Variants in SGCZ observed in about 807,000 individuals in gnomAD.
SGCZ encodes the protein sarcoglycan zeta, also known as zeta-sarcoglycan.
SGCZ carries 40 observed loss-of-function variants against 41.3 expected under a neutral mutation model. The observed-to-expected ratio is 0.97, with a 90% CI of 0.75 to 1.26. The LOEUF is 1.26. Ranked by LOEUF, SGCZ falls within the 50% of genes most tolerant of loss-of-function variation. The pLI is 0.00. For synonymous variants in SGCZ, 206 were observed against 137.5 expected (o/e 1.50, Z -3.49); for missense variants, 552 against 369.8 (o/e 1.49, Z -4.04).
chr8:14,537,082 T>A (rs1291137112), intron 2 of SGCZ, among the ~76,000 whole-genome samples: 1 of 151,942 alleles, frequency 6.6e-6, no homozygotes, highest in Non-Finnish European at 1.5e-5. Flanking sequence ...ATCATGACTC[T>A]AACAGCTCTT....
intron 3 of SGCZ, among the ~76,000 whole-genome samples, chr8:14,253,243 G>C (rs201772982): frequency 1.1e-4 from 16 of 148,858 alleles, no homozygotes; most frequent in African/African-American, 3.5e-4. Flanking sequence ...TTGTGTGTAG[G>C]GTGTGTGTGT....
In SGCZ at chr8:14,122,208, T is replaced by C. The variant is rs570384808; in HGVS notation, c.548-13973A>G. On this transcript the variant is annotated intron_variant, in intron 5 of 7. Transcript: ENST00000382080. ...AGGAGAATGGCGTGAACCCGGGAGG[T>C]GGAGCTTGCAGTTAGCTGAGATTGC... Among the ~76,000 whole-genome samples the C allele has an allele frequency of 2.5e-3, 381 of 151,798 alleles. 3 individuals are homozygous for C. Among genetic ancestry groups the C allele is most frequent in the South Asian group, 0.012 (58 of 4,780 alleles).
At chr8:14,266,237 G>T (rs531713787) in intron 3 of SGCZ, among the ~76,000 whole-genome samples, 59 of 152,042 alleles carry the variant, frequency 3.9e-4, no homozygotes, top group Non-Finnish European at 6.8e-4. Flanking sequence ...AAAATGTAAT[G>T]ATCCATTACT....
At chr8:14,506,299 C>T (rs1802303297) in intron 2 of SGCZ, among the ~76,000 whole-genome samples, 1 of 152,152 alleles carries the variant, frequency 6.6e-6, no homozygotes, top group African/African-American at 2.4e-5. Context: ...TATCTTCTCT[C>T]TTGTTAATAC....
intron 1 of SGCZ, among the ~76,000 whole-genome samples, chr8:14,619,545 C>T (rs372658138): frequency 5.7e-4 from 87 of 152,158 alleles, no homozygotes; most frequent in African/African-American, 1.5e-3. Flanking sequence ...GAAAACCCCA[C>T]TGTCTCAGCC....
At chr8:14,200,953 A>C (rs1805436260) in intron 4 of SGCZ, among the ~76,000 whole-genome samples, 1 of 152,198 alleles carries the variant, frequency 6.6e-6, no homozygotes, top group Admixed American at 6.5e-5. Flanking sequence ...ATTATAAAAC[A>C]ACCCACAAAT....
intron 2 of SGCZ, among the ~76,000 whole-genome samples, chr8:14,408,460 T>C (rs1332413776): frequency 6.6e-6 from 1 of 152,036 alleles, no homozygotes; most frequent in African/African-American, 2.4e-5. Context: ...CCTAATACGC[T>C]CCATTCCCCT....
chr8:14,756,478 C>G (rs1224420969), intron 1 of SGCZ, among the ~76,000 whole-genome samples: 1 of 152,168 alleles, frequency 6.6e-6, no homozygotes, highest in Non-Finnish European at 1.5e-5. Context: ...AGCCACCACG[C>G]CCAGCGGGAA....
chr8:14,824,823 A>T (rs1445074579), intron 1 of SGCZ, among the ~76,000 whole-genome samples: 1 of 152,024 alleles, frequency 6.6e-6, no homozygotes, highest in Non-Finnish European at 1.5e-5. Flanking sequence ...CTTCTTCTCT[A>T]TTGATCTACT....
intron 1 of SGCZ, among the ~76,000 whole-genome samples, chr8:14,668,708 G>C (rs1053660584): frequency 7.9e-5 from 12 of 152,166 alleles, no homozygotes; most frequent in East Asian, 1.9e-4. Flanking sequence ...CAGCAGAAAG[G>C]CTAACCTAGA....
intron 2 of SGCZ, among the ~76,000 whole-genome samples, chr8:14,337,505 T>C (rs1385172897): frequency 6.6e-6 from 1 of 152,126 alleles, no homozygotes; most frequent in Non-Finnish European, 1.5e-5. Flanking sequence ...CAGGAGACGA[T>C]TCTAACTTGT....
rs1033249855 is a variant in SGCZ, at chr8:14,781,594, G to A, written c.40-226668C>T. Among the ~76,000 whole-genome samples, 20 of 152,156 alleles carry A rather than the reference G, an allele frequency of 1.3e-4. 3 individuals carry two copies. The highest frequency in any genetic ancestry group is 1.1e-3 in the Admixed American group (17 of 15,288). ...CAATGAATACCTATTATTAAAAATT[G>A]TTTGGGTTATTCTTATCCATTCATT... On this transcript the variant is annotated intron_variant, in intron 1 of 7. Coordinates refer to ENST00000382080, the MANE Select transcript of SGCZ (RefSeq NM_139167.4).
intron 1 of SGCZ, among the ~76,000 whole-genome samples, chr8:14,940,596 A>G (rs1800240536): frequency 6.6e-6 from 1 of 152,178 alleles, no homozygotes; most frequent in South Asian, 2.1e-4. Context: ...ATATAAACAA[A>G]AAGATAAATG....
intron 2 of SGCZ, among the ~76,000 whole-genome samples, chr8:14,542,961 A>G (rs1216965099): frequency 6.6e-6 from 1 of 151,956 alleles, no homozygotes; most frequent in African/African-American, 2.4e-5. Context: ...ACTTCTTCAA[A>G]TTCATTCAGC....
chr8:14,841,962 TC>T (rs566163506), intron 1 of SGCZ, among the ~76,000 whole-genome samples: 178 of 152,302 alleles, frequency 1.2e-3, no homozygotes, highest in African/African-American at 4.2e-3. Flanking sequence ...GAGTACTTAT[TC>T]AGTACAGGAC....
Position 15,171,013 on chromosome 8 carries a change from TAACA to T in SGCZ, c.39+66568_39+66571del, listed in dbSNP as rs779677449. 5.1e-4 allele frequency among the ~76,000 whole-genome samples: 77 copies of T among 152,058 alleles called. 1 individual carries two copies. The South Asian group carries it at 8.3e-3, about 16-fold the overall frequency. ...TTGATTATTCAGATAATATTTAGAC[TAACA>T]AACAAATTATGAGGCTATCTGCAAT... is the stretch of plus-strand genomic sequence containing the variant. On this transcript the variant is annotated intron_variant, in intron 1 of 7. Transcript: ENST00000382080.
At chr8:14,881,647 C>T (rs980126410) in intron 1 of SGCZ, among the ~76,000 whole-genome samples, 3 of 152,224 alleles carry the variant, frequency 2.0e-5, no homozygotes, top group Non-Finnish European at 4.4e-5. Context: ...CTTTAACACC[C>T]CACTGACAAT....
chr8:15,029,129 G>A (rs117537355), intron 1 of SGCZ, among the ~76,000 whole-genome samples: 5,938 of 152,010 alleles, frequency 0.039, 151 homozygotes, highest in Non-Finnish European at 0.056. Flanking sequence ...AGCTAGATAC[G>A]CTATATATAA....
intron 2 of SGCZ, among the ~76,000 whole-genome samples, chr8:14,481,811 C>T (rs4270967): frequency 0.73 from 111,642 of 152,192 alleles, 41,866 homozygotes; most frequent in East Asian, 0.95. Context: ...AAGGGATAAC[C>T]GATTCCTTTA....
Sources: gnomAD v4.1 joint callset for allele counts (sites outside exome capture counted in the v4.1 genomes callset) on GRCh38, gnomAD v4.1.1 for gene constraint, MANE v1.5 for transcripts, NCBI Gene and HGNC (gene_info 2026-07-23, HGNC 2026-07-21) for gene names.